The following PRRX1 variants were observed in gnomAD, a reference collection of about 807,000 sequenced individuals.
The protein encoded by PRRX1 is paired related homeobox 1, also known as paired mesoderm homeobox protein 1.
PRRX1 carries 8 observed loss-of-function variants against 24.0 expected under a neutral mutation model. The ratio of observed to expected loss-of-function variants is 0.33; its 90% CI spans 0.20 to 0.60. The LOEUF (loss-of-function observed/expected upper bound fraction) is 0.60. Among genes scored for constraint, PRRX1 ranks in the 20% least tolerant of loss-of-function variants. The pLI is 0.82. For synonymous variants in PRRX1, 160 were observed against 131.7 expected, an observed-to-expected ratio of 1.22 and a Z score of -1.47; for missense variants, 281 against 322.4, an observed-to-expected ratio of 0.87 and a Z score of 0.98.
intron 1 of PRRX1, among the ~76,000 whole-genome samples, chr1:170,707,399 G>A (rs183184267): frequency 1.3e-5 from 2 of 151,824 alleles, no homozygotes; most frequent in Admixed American, 6.6e-5. Flanking sequence ...TAACTCTCTT[G>A]TTGGCCAGAT....
At chr1:170,679,908 A>G (rs997016296) in intron 1 of PRRX1, among the ~76,000 whole-genome samples, 1 of 152,216 alleles carries the variant, frequency 6.6e-6, no homozygotes, top group Non-Finnish European at 1.5e-5. Context: ...CAGTTGATAA[A>G]GCACAATATT....
At chr1:170,712,903 C>T (rs1345500710) in intron 1 of PRRX1, among the ~76,000 whole-genome samples, 1 of 152,104 alleles carries the variant, frequency 6.6e-6, no homozygotes, top group East Asian at 1.9e-4. Context: ...TCTTATTTTC[C>T]CCTTTTTTGG....
intron 1 of PRRX1, among the ~76,000 whole-genome samples, chr1:170,689,846 C>CTCTCTCTCTT: frequency 7.4e-6 from 1 of 135,404 alleles, no homozygotes; most frequent in African/African-American, 3.1e-5. Flanking sequence ...CTCCCTCTCT[C>CTCTCTCTCTT]TCTCTCTCTC....
chr1:170,720,212 A>T (rs1430448546), intron 2 of PRRX1, among the ~76,000 whole-genome samples: 1 of 152,114 alleles, frequency 6.6e-6, no homozygotes, highest in Non-Finnish European at 1.5e-5. Context: ...TGGGGGGTGG[A>T]GGTTGCAGTG....
chr1:170,693,189 A>C (rs1368466156), intron 1 of PRRX1, among the ~76,000 whole-genome samples: 18 of 152,092 alleles, frequency 1.2e-4, no homozygotes, highest in Admixed American at 1.1e-3. Context: ...TATTACTACT[A>C]ATTACAGGGC....
chr1:170,694,620 C>T (rs1412365292), intron 1 of PRRX1, among the ~76,000 whole-genome samples: 1 of 152,102 alleles, frequency 6.6e-6, no homozygotes, highest in African/African-American at 2.4e-5. Flanking sequence ...AATGTGCCCA[C>T]AGTATTTACC....
intron 1 of PRRX1, among the ~76,000 whole-genome samples, chr1:170,706,784 A>C (rs1393927354): frequency 6.6e-6 from 1 of 152,208 alleles, no homozygotes; most frequent in Non-Finnish European, 1.5e-5. Context: ...CTTCATGGCC[A>C]GAAAAGCTTA....
upstream of PRRX1, chr1:170,664,125 T>G: frequency 1.1e-6 from 1 of 892,568 alleles, no homozygotes; most frequent in Non-Finnish European, 1.6e-6. Context: ...CCCCTCTTTC[T>G]TCCCCACTCG....
intron 1 of PRRX1, among the ~76,000 whole-genome samples, chr1:170,704,220 G>A (rs569807403): frequency 6.6e-6 from 1 of 152,292 alleles, no homozygotes; most frequent in African/African-American, 2.4e-5. Flanking sequence ...AATAACATAA[G>A]TAAGTGAGGT....
At chr1:170,685,915 A>T (rs1368976206) in intron 1 of PRRX1, among the ~76,000 whole-genome samples, 1 of 152,016 alleles carries the variant, frequency 6.6e-6, no homozygotes, top group Non-Finnish European at 1.5e-5. Context: ...GACTATTGAG[A>T]GTTAAGAACA....
At chr1:170,732,595 G>T (rs762473503) in intron 3 of PRRX1, among the ~76,000 whole-genome samples, 51 of 152,292 alleles carry the variant, frequency 3.3e-4, no homozygotes, top group Middle Eastern at 6.8e-3. Flanking sequence ...CTGGAAAACA[G>T]ACTTGCAATT....
intron 1 of PRRX1, among the ~76,000 whole-genome samples, chr1:170,707,606 G>A (rs960280150): frequency 1.3e-5 from 2 of 152,072 alleles, no homozygotes; most frequent in African/African-American, 4.8e-5. Flanking sequence ...AAATTTTCAT[G>A]TTTATTCCTA....
intron 1 of PRRX1, among the ~76,000 whole-genome samples, chr1:170,690,932 T>A (rs905186809): frequency 6.6e-6 from 1 of 152,126 alleles, no homozygotes; most frequent in Non-Finnish European, 1.5e-5. Context: ...TGGTCAGACA[T>A]AGTCCATCAG....
intron 1 of PRRX1, among the ~76,000 whole-genome samples, chr1:170,695,375 C>G (rs146553802): frequency 6.6e-6 from 1 of 152,266 alleles, no homozygotes; most frequent in Non-Finnish European, 1.5e-5. Flanking sequence ...TATTTTAATA[C>G]TACATACCTA....
intron 1 of PRRX1, among the ~76,000 whole-genome samples, chr1:170,695,737 C>T (rs1654144894): frequency 2.0e-5 from 3 of 152,176 alleles, no homozygotes; most frequent in African/African-American, 7.2e-5. Context: ...CTCACTCTCA[C>T]ACACTTTTCT....
intron 1 of PRRX1, among the ~76,000 whole-genome samples, chr1:170,708,571 T>A (rs1654646577): frequency 6.6e-6 from 1 of 152,184 alleles, no homozygotes; most frequent in African/African-American, 2.4e-5. Flanking sequence ...CTAAATATGT[T>A]TTTTGGAACA....
At chr1:170,680,486 T>TTA (rs1653472019) in intron 1 of PRRX1, among the ~76,000 whole-genome samples, 2 of 152,218 alleles carry the variant, frequency 1.3e-5, no homozygotes, top group Admixed American at 6.5e-5. Context: ...CTCTAGTGGT[T>TTA]TATGACATCA....
rs138027755 is a variant in PRRX1, at chr1:170,674,528, ACAAT to A, written c.241+10072_241+10075del. Among the ~76,000 whole-genome samples the A allele has an allele frequency of 3.3e-3, 497 of 152,308 alleles. 2 individuals are homozygous for A. The highest frequency in any genetic ancestry group is 0.011 in the African/African-American group (475 of 41,568). On this transcript the variant is annotated intron_variant, in intron 1 of 3. Coordinates refer to ENST00000239461, the MANE Select transcript of PRRX1 (RefSeq NM_022716.4). ...TTCTCAAGACTTACTATGGGAAATAACAATCAGTGGCTCCACAAGTAGTGCTCAA... is the reference window on the plus strand; with the variant it reads ...TTCTCAAGACTTACTATGGGAAATAACAGTGGCTCCACAAGTAGTGCTCAA...
In PRRX1 at chr1:170,681,777, G is replaced by A. The variant is rs189054248; in HGVS notation, c.241+17318G>A. 2.3e-3 allele frequency among the ~76,000 whole-genome samples: 352 copies of A among 152,198 alleles called. 1 individual carries two copies. Among genetic ancestry groups the A allele is most frequent in the African/African-American group, 7.9e-3 (327 of 41,538 alleles). On this transcript the variant is annotated intron_variant, in intron 1 of 3. Coordinates refer to ENST00000239461, the MANE Select transcript of PRRX1 (RefSeq NM_022716.4). ...GACAAGTCTATTGAAGATTAAATCA[G>A]ATATTTATGTAACAACCTTAACTCA...
Sources: gnomAD v4.1 joint callset for allele counts (sites outside exome capture counted in the v4.1 genomes callset) on GRCh38, gnomAD v4.1.1 for gene constraint, MANE v1.5 for transcripts, NCBI Gene and HGNC (gene_info 2026-07-23, HGNC 2026-07-21) for gene names.